ZNF285: variants seen among roughly 807,000 people sequenced by gnomAD.
The protein encoded by ZNF285 is zinc finger protein 285A.
In ZNF285, 4 loss-of-function variants were observed where a neutral mutation model predicts 6.2. The ratio of observed to expected loss-of-function variants is 0.65; its 90% CI spans 0.32 to 1.49. The LOEUF (loss-of-function observed/expected upper bound fraction) is 1.49. Ranked by LOEUF, ZNF285 falls within the 40% of genes most tolerant of loss-of-function variation. The pLI is 0.07. For synonymous variants in ZNF285, 240 were observed against 245.8 expected, an observed-to-expected ratio of 0.98 and a Z score of 0.22; for missense variants, 695 against 708.8, an observed-to-expected ratio of 0.98 and a Z score of 0.22.
intron 3 of ZNF285, 129 bp downstream of exon 3, chr19:44,392,211 C>T (rs1479437545): frequency 1.2e-5 from 18 of 1,531,674 alleles, no homozygotes; most frequent in Non-Finnish European, 1.5e-5. Flanking sequence ...CTAACCTGCA[C>T]ATGCATCTCT....
At position 44,387,197 on chromosome 19, in the gene ZNF285, C is replaced by A. The variant is rs143777900; in HGVS notation, c.1048G>T (p.Gly350Trp). 4.3e-6 allele frequency: 7 copies of A among 1,614,128 alleles called. No individual in the cohort carries two copies. In the African/African-American group the frequency reaches 8.0e-5, roughly 18 times the overall value. Residue 350 changes from glycine to tryptophan, a missense_variant, in exon 4 of 4, where the codon GGG (glycine) becomes TGG (tryptophan). By Grantham distance (184) the Gly-to-Trp change is radical. Transcript: ENST00000614994. ...GEMPYKCDEC[G>W]KGFGFRSLLC... ...AGTGACCTAAATCCAAACCCTTTCC[C>A]ACATTCATCGCATTTGTAGGGCATC...
rs1312474242 is a variant in ZNF285 at position 44,388,081 on chromosome 19, ATGT to A, written c.161_163del (p.Asn54del). The A allele has an allele frequency of 1.9e-6, 3 of 1,613,214 alleles. No individual in the cohort carries two copies. The highest frequency in any genetic ancestry group is 1.3e-5 in the African/African-American group (1 of 74,892). ...TAACCCCTTTGCCTGAAGATTCAAA[ATGT>A]TGTTTTTAATCCCGTCTCCTAGGAG... is the stretch of plus-strand genomic sequence containing the variant. On this transcript the variant is annotated inframe_deletion, in exon 4 of 4. Transcript: ENST00000614994.
chr19:44,392,530 G>A, intron 2 of ZNF285, 64 bp from the exon 3 acceptor site: 1 of 1,613,242 alleles, frequency 6.2e-7, no homozygotes, highest in Non-Finnish European at 8.5e-7. Flanking sequence ...GTCTGTTTGG[G>A]CTGCCTTAAT....
At position 44,387,830 on chromosome 19, in the gene ZNF285, G is replaced by T. The variant is rs750298852; in HGVS notation, c.415C>A (p.Gln139Lys). The change falls in exon 4 of 4, where the codon CAA becomes AAA. Residue 139 changes from glutamine (Q) to lysine (K), a missense_variant. Gln to Lys is a moderately conservative substitution (Grantham distance 53). Coordinates refer to ENST00000614994, the MANE Select transcript of ZNF285 (RefSeq NM_152354.6). ...GGGGTAAGAACCTGTGTCAGGCTTT[G>T]CCATGCTGTGATATCTTGATTTTTG... ...IIKNQDITAWQSLTQVLTPES... is the reference protein window; with the variant it reads ...IIKNQDITAWKSLTQVLTPES... 14 of 1,613,786 alleles carry T rather than the reference G, an allele frequency of 8.7e-6. No homozygotes were observed. In the African/African-American group the frequency reaches 1.9e-4, roughly 22 times the overall value.
At chr19:44,400,437 G>C (rs1310394128) in intron 1 of ZNF285, among the ~76,000 whole-genome samples, 1 of 152,108 alleles carries the variant, frequency 6.6e-6, no homozygotes, top group African/African-American at 2.4e-5. Context: ...AATATACAGA[G>C]AGTGTTCAAA....
At chr19:44,399,850 T>A (rs1665477070) in intron 1 of ZNF285, among the ~76,000 whole-genome samples, 1 of 152,100 alleles carries the variant, frequency 6.6e-6, no homozygotes. Flanking sequence ...GGTGCCATTA[T>A]AATACCTGGG....
chr19:44,396,751 G>A (rs1185675664), intron 2 of ZNF285: 1 of 161,394 alleles, frequency 6.2e-6, no homozygotes, highest in Non-Finnish European at 1.4e-5. Flanking sequence ...ATCTCTTACT[G>A]GTTCTGCCTT....
chr19:44,387,829 T>C lies in ZNF285; in HGVS notation c.416A>G (p.Gln139Arg), dbSNP rs1971121164. Residue 139 changes from glutamine to arginine, a missense_variant, in exon 4 of 4, where the codon CAA becomes CGA. Transcript: ENST00000614994. ...TGGGGTAAGAACCTGTGTCAGGCTT[T>C]GCCATGCTGTGATATCTTGATTTTT... ...IIKNQDITAW[Q>R]SLTQVLTPES... The C allele has an allele frequency of 6.2e-7, 1 of 1,614,002 alleles. No individual in the cohort carries two copies. The highest frequency in any genetic ancestry group is 2.2e-5 in the East Asian group (1 of 44,888).
At chr19:44,400,433 CAGAG>C in intron 1 of ZNF285, among the ~76,000 whole-genome samples, 1 of 152,114 alleles carries the variant, frequency 6.6e-6, no homozygotes, top group East Asian at 1.9e-4. Flanking sequence ...ATCAAATATA[CAGAG>C]AGTGTTCAAA....
intron 1 of ZNF285, 41 bp downstream of exon 1, chr19:44,401,527 G>A (rs1308405526): frequency 6.6e-6 from 1 of 152,356 alleles, no homozygotes; most frequent in Non-Finnish European, 1.5e-5. Flanking sequence ...TCCTACTCCT[G>A]GCTACGCCTC....
chr19:44,394,966 T>C (rs186989603), intron 2 of ZNF285, among the ~76,000 whole-genome samples: 11 of 152,144 alleles, frequency 7.2e-5, no homozygotes, highest in African/African-American at 2.2e-4. Context: ...GGTGTTCCAA[T>C]GTAGGAAGAA....
Position 44,386,389 on chromosome 19 carries a change from C to G in ZNF285, c.*83G>C, listed in dbSNP as rs1971069909. ...GTGTCCCTGTCTTTTGCTCCCCTAG[C>G]CCTCCCACAGGCTGAGTAAGCCTCT... On this transcript the variant is annotated 3_prime_UTR_variant, in exon 4 of 4. Coordinates refer to ENST00000614994, the MANE Select transcript of ZNF285 (RefSeq NM_152354.6). 1 of 1,447,996 alleles carries G rather than the reference C, an allele frequency of 6.9e-7. No homozygotes were observed. The allele number at this position is 1,447,996 out of a possible 1,614,324, so 89.7% of individuals were successfully genotyped here. A position where few individuals can be genotyped will look rare whatever the true frequency, so the allele number is the denominator to read the frequency against.
chr19:44,395,299 A>G (rs565749467), intron 2 of ZNF285, among the ~76,000 whole-genome samples: 33 of 152,360 alleles, frequency 2.2e-4, no homozygotes, highest in South Asian at 4.1e-4. Context: ...TACTGTGGAT[A>G]GAGTAACACA....
intron 1 of ZNF285, among the ~76,000 whole-genome samples, chr19:44,399,693 C>A (rs1389250967): frequency 6.6e-6 from 1 of 151,514 alleles, no homozygotes; most frequent in East Asian, 2.0e-4. Context: ...CAGACACTAC[C>A]TGCCTGTATC....
At chr19:44,395,724 C>A (rs1390155582) in intron 2 of ZNF285, among the ~76,000 whole-genome samples, 1 of 152,154 alleles carries the variant, frequency 6.6e-6, no homozygotes, top group Admixed American at 6.5e-5. Flanking sequence ...TGTTTCCTTA[C>A]CCCTTTAGTT....
intron 1 of ZNF285, among the ~76,000 whole-genome samples, chr19:44,401,102 G>C (rs1471634261): frequency 1.3e-5 from 2 of 151,984 alleles, no homozygotes; most frequent in Non-Finnish European, 2.9e-5. Context: ...CCACCAAACT[G>C]AGCGAGAACA....
chr19:44,391,360 G>A (rs186009849), intron 3 of ZNF285, among the ~76,000 whole-genome samples: 14 of 152,066 alleles, frequency 9.2e-5, no homozygotes, highest in African/African-American at 3.1e-4. Context: ...ATCCATAAAA[G>A]GGGGATAATA....
chr19:44,397,884 GA>G (rs61478336), intron 1 of ZNF285, among the ~76,000 whole-genome samples: 45 of 95,574 alleles, frequency 4.7e-4, no homozygotes, highest in Middle Eastern at 5.4e-3. Context: ...TCTCAAAAGA[GA>G]AAAAAAAAAA....
Position 44,388,102 on chromosome 19 carries a change from C to T in ZNF285, c.143G>A (p.Arg48Lys). The T allele has an allele frequency of 1.2e-6, 2 of 1,608,486 alleles. No homozygotes were observed. The highest frequency in any genetic ancestry group is 1.1e-5 in the South Asian group (1 of 90,436). The change falls in exon 4 of 4, where the codon AGA (arginine) becomes AAA (lysine). Residue 48 changes from arginine to lysine, a missense_variant and splice_region_variant. Coordinates refer to ENST00000614994, the MANE Select transcript of ZNF285 (RefSeq NM_152354.6). ...LENFRNLMLV[R>K]DGIKNNILNL... The stretch of plus-strand genomic sequence containing the variant: ...CAAAATGTTGTTTTTAATCCCGTCT[C>T]CTAGGAGAAGAAAGAGAATTTGGCT...
Sources: gnomAD v4.1 joint callset for allele counts (sites outside exome capture counted in the v4.1 genomes callset) on GRCh38, gnomAD v4.1.1 for gene constraint, MANE v1.5 for transcripts, NCBI Gene and HGNC (gene_info 2026-07-23, HGNC 2026-07-21) for gene names.